The following NINL variants were observed in gnomAD, a reference collection of about 807,000 sequenced individuals.
NINL encodes the protein ninein-like protein.
NINL carries 153 observed loss-of-function variants against 160.3 expected under a neutral mutation model. The observed-to-expected ratio is 0.95, with a 90% CI of 0.84 to 1.09. NINL has a LOEUF of 1.09. NINL is among the 50% of genes least tolerant of loss of function. The pLI is 0.00. For missense variants in NINL, 1,829 were observed against 1,764.0 expected, an observed-to-expected ratio of 1.04 and a Z score of -0.66; for synonymous variants, 800 against 734.8, an observed-to-expected ratio of 1.09 and a Z score of -1.43.
chr20:25,470,172 G>C, intron 17 of NINL, 77 bp from the exon 18 acceptor site: 1 of 1,142,496 alleles, frequency 8.8e-7, no homozygotes, highest in Middle Eastern at 2.0e-4. Flanking sequence ...CTGCAGCGGG[G>C]AGTCCTGAGA....
intron 23 of NINL, 72 bp from the exon 24 acceptor site, chr20:25,453,714 T>A: frequency 2.1e-6 from 3 of 1,415,882 alleles, no homozygotes; most frequent in Non-Finnish European, 2.9e-6. Flanking sequence ...TGCTCTCTTT[T>A]ATCCTCCCAG....
At chr20:25,536,622 G>A (rs1398366356) in intron 1 of NINL, among the ~76,000 whole-genome samples, 3 of 152,160 alleles carry the variant, frequency 2.0e-5, no homozygotes, top group African/African-American at 7.2e-5. Context: ...AGGAGGCTGA[G>A]GCAAGAGAAT....
At position 25,495,075 on chromosome 20, in the gene NINL, C is replaced by T. The variant is rs2063724535; in HGVS notation, c.1310+1588G>A. 2.0e-5 allele frequency among the ~76,000 whole-genome samples: 3 copies of T among 152,134 alleles called. No individual in the cohort carries two copies. The South Asian group carries it at 6.2e-4, about 32-fold the overall frequency. On this transcript the variant is annotated intron_variant, in intron 10 of 23. Coordinates refer to ENST00000278886, the MANE Select transcript of NINL (RefSeq NM_025176.6). ...CCCAGTGGCTGTTACGTGAGGCGAC[C>T]CCTGGTGCACACAGGAGACACACCA... is the stretch of plus-strand genomic sequence containing the variant.
intron 1 of NINL, among the ~76,000 whole-genome samples, chr20:25,584,456 G>A (rs1266401149): frequency 1.3e-5 from 2 of 151,918 alleles, no homozygotes; most frequent in Non-Finnish European, 2.9e-5. Context: ...GTGAAACTTC[G>A]TTTCAAAAAC....
At chr20:25,547,272 G>T (rs985700543) in intron 1 of NINL, among the ~76,000 whole-genome samples, 2 of 152,118 alleles carry the variant, frequency 1.3e-5, no homozygotes, top group Admixed American at 1.3e-4. Flanking sequence ...CAGGGTGGGC[G>T]GGGCTGCAGC....
intron 17 of NINL, among the ~76,000 whole-genome samples, 180 bp from the exon 18 acceptor site, chr20:25,470,275 C>T (rs1351609421): frequency 1.3e-5 from 2 of 152,210 alleles, no homozygotes; most frequent in African/African-American, 4.8e-5. Context: ...TTACATCTCC[C>T]ATGAGCCAAG....
chr20:25,561,035 C>G (rs1482633643), intron 1 of NINL, among the ~76,000 whole-genome samples: 1 of 21,800 alleles, frequency 4.6e-5, no homozygotes, highest in African/African-American at 9.7e-5. Context: ...TCCCTCTCCC[C>G]TCCTCTCCCT....
intron 2 of NINL, among the ~76,000 whole-genome samples, chr20:25,519,888 C>A (rs894267140): frequency 6.7e-6 from 1 of 150,330 alleles, no homozygotes; most frequent in Admixed American, 6.7e-5. Context: ...CCTGTAGACC[C>A]AGCTACCTGG....
intron 1 of NINL, among the ~76,000 whole-genome samples, chr20:25,550,355 G>C (rs2064791703): frequency 6.6e-6 from 1 of 152,238 alleles, no homozygotes; most frequent in Non-Finnish European, 1.5e-5. Context: ...AAGGGGGCCT[G>C]CCCCTCCACA....
chr20:25,560,050 G>T (rs1350595230), intron 1 of NINL, among the ~76,000 whole-genome samples: 1 of 152,106 alleles, frequency 6.6e-6, no homozygotes, highest in African/African-American at 2.4e-5. Context: ...TTCCTCAAGC[G>T]ATCTTCCACC....
In NINL at chr20:25,476,109, T is replaced by G; in HGVS notation, c.3182A>C (p.Lys1061Thr). The change falls in exon 17 of 24, where the codon AAA becomes ACA. Residue 1061 changes from lysine (K) to threonine (T), a missense_variant. Transcript: ENST00000278886. ...GACGACGTCTTCCAGATGTAGAAGT[T>G]TGGTTTCCATGTCATCCTTCTCTCT... Reference protein sequence around the residue: ...LEREKDDMETKLLHLEDVVRA... With the variant: ...LEREKDDMETTLLHLEDVVRA... 6.2e-7 allele frequency: 1 copy of G among 1,614,232 alleles called. No homozygotes were observed.
At chr20:25,492,490 C>T (rs2063662084) in intron 10 of NINL, among the ~76,000 whole-genome samples, 1 of 151,732 alleles carries the variant, frequency 6.6e-6, no homozygotes, top group Admixed American at 6.6e-5. Context: ...CTTGCTCTGT[C>T]GCCCAGGCTG....
intron 1 of NINL, among the ~76,000 whole-genome samples, chr20:25,538,121 C>A (rs1283551290): frequency 6.6e-6 from 1 of 152,172 alleles, no homozygotes; most frequent in Non-Finnish European, 1.5e-5. Context: ...CGCAACGCCA[C>A]TGGAAGATGA....
intron 13 of NINL, among the ~76,000 whole-genome samples, chr20:25,485,762 T>C (rs917771448): frequency 6.6e-6 from 1 of 152,232 alleles, no homozygotes; most frequent in South Asian, 2.1e-4. Context: ...TTAGAAGGTA[T>C]AGTAAATAAA....
chr20:25,499,050 G>A lies in NINL; in HGVS notation c.1033-704C>T, dbSNP rs928724278. On this transcript the variant is annotated intron_variant, in intron 8 of 23. Transcript: ENST00000278886. Reference sequence around the variant, plus strand: ...CTGCTTTCCACTTGTGGCTACAAACGCCCTGCTCAGGCCGGCGGCAGGCAC... The same window carrying A: ...CTGCTTTCCACTTGTGGCTACAAACACCCTGCTCAGGCCGGCGGCAGGCAC... The A allele has an allele frequency of 7.2e-5, 71 of 985,392 alleles. No homozygotes were observed. In the African/African-American group the frequency reaches 1.0e-3, roughly 14 times the overall value. 61.0% of individuals were successfully genotyped at this position (985,392 alleles called of 1,614,324 possible).
chr20:25,500,944 G>C lies in NINL; in HGVS notation c.928C>G (p.Arg310Gly). The change falls in exon 8 of 24, where the codon CGC becomes GGC. Residue 310 changes from arginine to glycine, a missense_variant. Coordinates refer to ENST00000278886, the MANE Select transcript of NINL (RefSeq NM_025176.6). Reference sequence around the variant, plus strand: ...CCATCGTCAATGCTGGAGAAGAGGCGCAGGCTGGAGCACAGGGACACGAGG... The same window carrying C: ...CCATCGTCAATGCTGGAGAAGAGGCCCAGGCTGGAGCACAGGGACACGAGG... ...SSLVSLCSSL[R>G]LFSSIDDGSG... is the part of the protein sequence containing the mutation. 2.5e-6 allele frequency: 4 copies of C among 1,614,196 alleles called. No homozygotes were observed. The highest frequency in any genetic ancestry group is 3.4e-6 in the Non-Finnish European group (4 of 1,180,034).
chr20:25,472,033 A>G (rs1398048363), intron 17 of NINL, among the ~76,000 whole-genome samples: 3 of 152,198 alleles, frequency 2.0e-5, no homozygotes, highest in Non-Finnish European at 2.9e-5. Flanking sequence ...AAAGACAGCA[A>G]CAAACAATGA....
chr20:25,576,633 T>G (rs1413681213), intron 1 of NINL, among the ~76,000 whole-genome samples: 1 of 126,160 alleles, frequency 7.9e-6, no homozygotes, highest in African/African-American at 3.8e-5. Flanking sequence ...TAATTTTTCA[T>G]TTTTTTTTGG....
At chr20:25,461,904 G>T (rs987826999) in intron 20 of NINL, among the ~76,000 whole-genome samples, 42 of 152,254 alleles carry the variant, frequency 2.8e-4, no homozygotes, top group African/African-American at 1.0e-3. Context: ...GTTTCCTGGG[G>T]CATTAGTTAT....
Sources: allele counts gnomAD v4.1 joint callset (sites outside exome capture counted in the v4.1 genomes callset), GRCh38; gene constraint gnomAD v4.1.1; transcripts MANE v1.5; gene names NCBI Gene and HGNC (gene_info 2026-07-23, HGNC 2026-07-21).